FAM168A: variants seen among roughly 807,000 people sequenced by gnomAD.
The protein encoded by FAM168A is family with sequence similarity 168 member A, also known as protein FAM168A.
FAM168A carries 3 observed loss-of-function variants against 28.5 expected under a neutral mutation model. The observed-to-expected ratio is 0.11, with a 90% CI of 0.05 to 0.27. FAM168A has a LOEUF of 0.27. Among genes scored for constraint, FAM168A ranks in the 10% least tolerant of loss-of-function variants. FAM168A has a pLI of 1.00. For missense variants in FAM168A, 222 were observed against 311.5 expected (o/e 0.71, Z 2.16); for synonymous variants, 122 against 124.2 (o/e 0.98, Z 0.12).
intron 1 of FAM168A, among the ~76,000 whole-genome samples, chr11:73,504,295 A>T (rs529706502): frequency 6.6e-6 from 1 of 152,358 alleles, no homozygotes; most frequent in South Asian, 2.1e-4. Flanking sequence ...AAGGAACTTA[A>T]ACGTATTTAC....
At chr11:73,585,981 C>T (rs369780267) in intron 1 of FAM168A, among the ~76,000 whole-genome samples, 13 of 151,558 alleles carry the variant, frequency 8.6e-5, no homozygotes, top group African/African-American at 2.4e-4. Context: ...GTAGTACCAA[C>T]ATGCACATTA....
intron 1 of FAM168A, among the ~76,000 whole-genome samples, chr11:73,484,715 T>TATATATAGATATATATCGATATATAG (rs1868029408): frequency 2.1e-5 from 3 of 144,820 alleles, no homozygotes; most frequent in Admixed American, 7.0e-5. Flanking sequence ...TATATAGATA[T>TATATATAGATATATATCGATATATAG]ATATATAGAT....
chr11:73,564,746 A>G (rs1333430141), intron 1 of FAM168A, among the ~76,000 whole-genome samples: 1 of 150,014 alleles, frequency 6.7e-6, no homozygotes, highest in East Asian at 1.9e-4. Flanking sequence ...CCGTCACAAA[A>G]AAAAAAAAAA....
intron 1 of FAM168A, among the ~76,000 whole-genome samples, chr11:73,520,778 T>C (rs182812302): frequency 6.6e-6 from 1 of 152,046 alleles, no homozygotes; most frequent in Non-Finnish European, 1.5e-5. Flanking sequence ...CTACATAACC[T>C]GTCCAATGGC....
chr11:73,409,705 G>A lies in FAM168A; in HGVS notation c.421-44C>T. ...GGTCACATAGGCATTTGGAGAGGTA[G>A]GTGGGATATGGAGAGAGCAGCACTG... On this transcript the variant is annotated intron_variant, in intron 5 of 7. Transcript: ENST00000356467. 3 of 1,560,386 alleles carry A rather than the reference G, an allele frequency of 1.9e-6. No individual in the cohort carries two copies. In the Admixed American group the frequency reaches 5.6e-5, roughly 29 times the overall value.
chr11:73,465,114 T>C (rs1867714494), intron 2 of FAM168A, among the ~76,000 whole-genome samples: 1 of 151,224 alleles, frequency 6.6e-6, no homozygotes, highest in Admixed American at 6.6e-5. Flanking sequence ...AAACCAACCA[T>C]CTGTATAGGT....
intron 1 of FAM168A, among the ~76,000 whole-genome samples, chr11:73,594,395 G>A (rs546312468): frequency 2.6e-5 from 4 of 151,764 alleles, no homozygotes; most frequent in Non-Finnish European, 5.9e-5. Flanking sequence ...CACTATGCCT[G>A]GCCAGTTTTT....
At chr11:73,543,449 C>T (rs1264255173) in intron 1 of FAM168A, among the ~76,000 whole-genome samples, 1 of 151,838 alleles carries the variant, frequency 6.6e-6, no homozygotes, top group South Asian at 2.1e-4. Flanking sequence ...TTAATAGACA[C>T]GGGGTTTCGC....
At chr11:73,579,090 G>T (rs973145794) in intron 1 of FAM168A, among the ~76,000 whole-genome samples, 4 of 152,178 alleles carry the variant, frequency 2.6e-5, no homozygotes, top group African/African-American at 7.2e-5. Context: ...GAGAGAGGAA[G>T]TAAGCTCTCT....
At chr11:73,491,100 C>T (rs1032577592) in intron 1 of FAM168A, among the ~76,000 whole-genome samples, 2 of 152,114 alleles carry the variant, frequency 1.3e-5, no homozygotes, top group African/African-American at 4.8e-5. Context: ...ATATTTATTC[C>T]TCATAATAAT....
chr11:73,476,089 T>G lies in FAM168A; in HGVS notation c.-18-7597A>C, dbSNP rs1021175332. On this transcript the variant is annotated intron_variant, in intron 1 of 7. Coordinates refer to ENST00000356467, the MANE Select transcript of FAM168A (RefSeq NM_015159.3). Reference sequence around the variant, plus strand: ...CCCTAGTGGTCTGTAAAGAAGGTCTTCTGTATCTGCTGATCCTGGGTGAAT... The same window carrying G: ...CCCTAGTGGTCTGTAAAGAAGGTCTGCTGTATCTGCTGATCCTGGGTGAAT... 5.3e-5 allele frequency among the ~76,000 whole-genome samples: 8 copies of G among 152,164 alleles called. 1 individual carries two copies. The highest frequency in any genetic ancestry group is 1.2e-4 in the Non-Finnish European group (8 of 68,030).
At chr11:73,411,652 C>A (rs1179863830) in intron 4 of FAM168A, 116 bp from the exon 5 acceptor site, 11 of 1,114,938 alleles carry the variant, frequency 9.9e-6, no homozygotes, top group Non-Finnish European at 1.5e-5. Flanking sequence ...AGGCTGGAAA[C>A]AGAGATGAGA....
At chr11:73,507,384 C>G (rs1463912682) in intron 1 of FAM168A, among the ~76,000 whole-genome samples, 3 of 152,022 alleles carry the variant, frequency 2.0e-5, no homozygotes, top group Admixed American at 2.0e-4. Context: ...TAAAAATAAA[C>G]AAAACCCATC....
At chr11:73,507,500 G>A (rs973755981) in intron 1 of FAM168A, among the ~76,000 whole-genome samples, 5 of 151,976 alleles carry the variant, frequency 3.3e-5, no homozygotes, top group African/African-American at 1.2e-4. Context: ...GAGGAGGGAG[G>A]GGACCCAAAA....
chr11:73,472,027 G>A (rs1867821823), intron 1 of FAM168A, among the ~76,000 whole-genome samples: 1 of 152,062 alleles, frequency 6.6e-6, no homozygotes, highest in Non-Finnish European at 1.5e-5. Context: ...TCATAGGAGT[G>A]TGAACCCTAT....
intron 1 of FAM168A, among the ~76,000 whole-genome samples, chr11:73,589,708 C>T (rs1038047603): frequency 1.3e-5 from 2 of 152,148 alleles, no homozygotes; most frequent in Non-Finnish European, 2.9e-5. Flanking sequence ...GTGGGTGGAT[C>T]ATGAGGTCAG....
chr11:73,469,878 A>G (rs145908249), intron 1 of FAM168A, among the ~76,000 whole-genome samples: 244 of 152,298 alleles, frequency 1.6e-3, no homozygotes, highest in African/African-American at 5.7e-3. Context: ...GTATTGAGAC[A>G]TTAATAATGA....
chr11:73,570,744 AAAGAC>A (rs1266348762), intron 1 of FAM168A, among the ~76,000 whole-genome samples: 3 of 152,010 alleles, frequency 2.0e-5, no homozygotes, highest in South Asian at 2.1e-4. Flanking sequence ...AAAAAAAAAA[AAAGAC>A]AAGACAAGAA....
intron 1 of FAM168A, among the ~76,000 whole-genome samples, chr11:73,595,950 T>C (rs1029573280): frequency 6.6e-6 from 1 of 152,238 alleles, no homozygotes; most frequent in Non-Finnish European, 1.5e-5. Context: ...TGAATATTTA[T>C]GACATTTCCA....
Sources: gnomAD v4.1 joint callset for allele counts (sites outside exome capture counted in the v4.1 genomes callset) on GRCh38, gnomAD v4.1.1 for gene constraint, MANE v1.5 for transcripts, NCBI Gene and HGNC (gene_info 2026-07-23, HGNC 2026-07-21) for gene names.